MEGF11: variants seen among roughly 807,000 people sequenced by gnomAD.
MEGF11 encodes multiple EGF like domains 11.
MEGF11 carries 126 observed loss-of-function variants against 146.6 expected under a neutral mutation model. That is an observed-to-expected ratio of 0.86 (90% confidence interval 0.74 to 1.00). MEGF11 has a LOEUF of 1.00. MEGF11 is among the 50% of genes least tolerant of loss of function. The pLI, the probability that MEGF11 is intolerant of heterozygous loss-of-function variation, is 0.00. For missense variants in MEGF11, 1,509 were observed against 1,521.2 expected, an observed-to-expected ratio of 0.99 and a Z score of 0.13; for synonymous variants, 532 against 583.4, an observed-to-expected ratio of 0.91 and a Z score of 1.27.
intron 5 of MEGF11, among the ~76,000 whole-genome samples, chr15:66,092,716 G>C (rs1052229664): frequency 2.6e-5 from 4 of 152,132 alleles, no homozygotes; most frequent in Non-Finnish European, 4.4e-5. Flanking sequence ...GCACAGTCCC[G>C]AGCATAGAGC....
chr15:65,908,247 G>A (rs1374742612), intron 23 of MEGF11, among the ~76,000 whole-genome samples: 1 of 152,296 alleles, frequency 6.6e-6, no homozygotes, highest in African/African-American at 2.4e-5. Flanking sequence ...GAGCAGCTCA[G>A]TTTCCTTAGA....
At chr15:65,900,324 G>C (rs1475394186) in intron 24 of MEGF11, among the ~76,000 whole-genome samples, 1 of 152,228 alleles carries the variant, frequency 6.6e-6, no homozygotes, top group Non-Finnish European at 1.5e-5. Flanking sequence ...ATGGTAAAAA[G>C]TGAAAGTGAT....
chr15:66,041,432 A>G (rs2083971461), intron 5 of MEGF11, among the ~76,000 whole-genome samples: 1 of 152,204 alleles, frequency 6.6e-6, no homozygotes, highest in African/African-American at 2.4e-5. Context: ...GGAACTGTGC[A>G]TGAGAAAGGG....
At chr15:66,209,986 A>C (rs556512823) in intron 1 of MEGF11, among the ~76,000 whole-genome samples, 2 of 152,096 alleles carry the variant, frequency 1.3e-5, no homozygotes, top group South Asian at 2.1e-4. Flanking sequence ...CACCTGGCTA[A>C]TTTTTTACTT....
intron 1 of MEGF11, among the ~76,000 whole-genome samples, chr15:66,189,819 A>G (rs1319487822): frequency 1.5e-5 from 2 of 136,342 alleles, no homozygotes; most frequent in African/African-American, 5.8e-5. Flanking sequence ...TCCAATGAGC[A>G]ACAGGGGAAA....
chr15:66,079,623 A>G (rs2085758311), intron 5 of MEGF11, among the ~76,000 whole-genome samples: 2 of 149,954 alleles, frequency 1.3e-5, no homozygotes, highest in Admixed American at 1.3e-4. Flanking sequence ...CGGCTCAGAT[A>G]TTCCTCATAG....
chr15:66,139,417 A>G (rs1199221131), intron 1 of MEGF11, among the ~76,000 whole-genome samples: 3 of 152,212 alleles, frequency 2.0e-5, no homozygotes, highest in Non-Finnish European at 4.4e-5. Context: ...CATTAAGGAT[A>G]AAAGCACCTG....
intron 5 of MEGF11, among the ~76,000 whole-genome samples, chr15:66,087,457 G>A (rs754218077): frequency 1.3e-5 from 2 of 152,154 alleles, no homozygotes; most frequent in Non-Finnish European, 2.9e-5. Context: ...TAAGAAAATT[G>A]AAATTACATC....
At chr15:65,978,325 G>GT (rs1448843448) in intron 7 of MEGF11, among the ~76,000 whole-genome samples, 4 of 152,328 alleles carry the variant, frequency 2.6e-5, no homozygotes, top group African/African-American at 9.6e-5. Context: ...TCATTATACA[G>GT]TGACTCTGCA....
At position 65,909,795 on chromosome 15, in the gene MEGF11, C is replaced by A. The variant is rs1207969381; in HGVS notation, c.2841G>T (p.Lys947Asn). The A allele has an allele frequency of 7.0e-6, 11 of 1,580,464 alleles. No homozygotes were observed. Among genetic ancestry groups the A allele is most frequent in the Non-Finnish European group, 9.4e-6 (11 of 1,170,976 alleles). ...DRNSPTKLSN[K>N]SLDRDTAGWT... ...AGCCTGCTGTGTCTCTGTCAAGGGACTTGTTACTGAGCTGTTTGGAGAGTA... is the reference window on the plus strand; with the variant it reads ...AGCCTGCTGTGTCTCTGTCAAGGGAATTGTTACTGAGCTGTTTGGAGAGTA... Residue 947 changes from lysine (K) to asparagine (N), a missense_variant, in exon 22 of 26, where the codon AAG becomes AAT. Physicochemically the swap from Lys to Asn is moderately conservative, Grantham distance 94. Coordinates refer to ENST00000395614, the MANE Select transcript of MEGF11 (RefSeq NM_001385028.1).
At chr15:66,211,578 G>A (rs995627109) in intron 1 of MEGF11, among the ~76,000 whole-genome samples, 9 of 151,054 alleles carry the variant, frequency 6.0e-5, no homozygotes, top group African/African-American at 9.8e-5. Context: ...CAAGGAAGCC[G>A]AGGGTCTCTC....
intron 1 of MEGF11, among the ~76,000 whole-genome samples, chr15:66,141,289 T>TGAGAGAGAGAGAGAGA (rs1169589606): frequency 2.0e-5 from 2 of 101,196 alleles, no homozygotes. Context: ...TGTGTGTGTG[T>TGAGAGAGAGAGAGAGA]GAGAGAGAGA....
chr15:66,123,904 C>T lies in MEGF11; in HGVS notation c.195G>A (p.Arg65=), dbSNP rs1386085228. The T allele has an allele frequency of 1.9e-6, 3 of 1,612,708 alleles. No individual in the cohort carries two copies. The highest frequency in any genetic ancestry group is 2.5e-6 in the Non-Finnish European group (3 of 1,178,684). The change falls in exon 3 of 26, where the codon AGG becomes AGA. Residue 65 remains arginine (R), a synonymous_variant. Transcript: ENST00000395614. The stretch of plus-strand genomic sequence containing the variant: ...CATCTGAGAGAGGTACTCACCGGTG[C>T]CTGGTGCACTTGAACCAGTTGAGGA... ...TDILNWFKCT[R]HRISYKTAYR... is the part of the protein sequence containing the mutation.
chr15:66,103,481 A>C (rs546586294), intron 4 of MEGF11, among the ~76,000 whole-genome samples: 5 of 152,262 alleles, frequency 3.3e-5, no homozygotes, highest in Admixed American at 6.5e-5. Context: ...GGATTAAATG[A>C]GTTAGTAATG....
chr15:66,041,758 T>G (rs2083988468), intron 5 of MEGF11, among the ~76,000 whole-genome samples: 1 of 152,212 alleles, frequency 6.6e-6, no homozygotes, highest in African/African-American at 2.4e-5. Flanking sequence ...CTGTATTAAC[T>G]CATTTAAGCC....
intron 4 of MEGF11, among the ~76,000 whole-genome samples, chr15:66,113,404 C>G (rs767006428): frequency 5.9e-5 from 9 of 152,212 alleles, no homozygotes; most frequent in Admixed American, 3.9e-4. Flanking sequence ...AAGATTTCAC[C>G]TGGAAGCTTG....
chr15:65,912,221 C>A, intron 20 of MEGF11, 21 bp from the exon 21 acceptor site: 1 of 1,213,976 alleles, frequency 8.2e-7, no homozygotes. Flanking sequence ...AACAAGGTGC[C>A]ACATACCATC....
In MEGF11 at chr15:65,992,448, T is replaced by G. The variant is rs1448402867; in HGVS notation, c.395-9960A>C. ...CCCCGTTTGTGCCTCTGTGTGTGTG[T>G]GTGGGGGGGGGGGTTAGTCACATCC... On this transcript the variant is annotated intron_variant, in intron 5 of 25. Transcript: ENST00000395614. Among the ~76,000 whole-genome samples, 8 of 28,254 alleles carry G rather than the reference T, an allele frequency of 2.8e-4. No homozygotes were observed. The South Asian group carries it at 4.7e-3, about 17-fold the overall frequency. 18.5% of individuals were successfully genotyped at this position (28,254 alleles called of 152,430 possible).
At chr15:65,987,109 C>G (rs1470944557) in intron 5 of MEGF11, among the ~76,000 whole-genome samples, 1 of 152,100 alleles carries the variant, frequency 6.6e-6, no homozygotes, top group Non-Finnish European at 1.5e-5. Flanking sequence ...CCCTGGGTCC[C>G]CAAGAGGGCA....
Sources: allele counts gnomAD v4.1 joint callset (sites outside exome capture counted in the v4.1 genomes callset), GRCh38; gene constraint gnomAD v4.1.1; transcripts MANE v1.5; gene names NCBI Gene and HGNC (gene_info 2026-07-23, HGNC 2026-07-21).